FHIP1A: variants seen among roughly 807,000 people sequenced by gnomAD.
FHIP1A encodes FHF complex subunit HOOK-interacting protein 1A.
A neutral mutation model predicts 88.6 loss-of-function variants in FHIP1A; 61 were observed. That is an observed-to-expected ratio of 0.69 (90% CI 0.56 to 0.85). The LOEUF (loss-of-function observed/expected upper bound fraction) is 0.85. FHIP1A is among the 40% of genes least tolerant of loss of function. The pLI is 0.00. For missense variants in FHIP1A, 1,154 were observed against 1,273.5 expected (o/e 0.91, Z 1.43); for synonymous variants, 478 against 496.0 (o/e 0.96, Z 0.48).
chr4:151,607,077 A>G (rs4696272), intron 7 of FHIP1A, among the ~76,000 whole-genome samples: 48,559 of 151,990 alleles, frequency 0.32, 7,781 homozygotes, highest in Non-Finnish European at 0.33. Flanking sequence ...TGCCCCTGGT[A>G]CCATCTCACA....
chr4:151,525,011 T>G (rs1731579469), intron 3 of FHIP1A, among the ~76,000 whole-genome samples: 1 of 152,222 alleles, frequency 6.6e-6, no homozygotes, highest in Admixed American at 6.5e-5. Flanking sequence ...TTGATGATTA[T>G]CTTATTTTAT....
At chr4:151,604,242 T>A (rs1734982629) in intron 7 of FHIP1A, among the ~76,000 whole-genome samples, 1 of 152,040 alleles carries the variant, frequency 6.6e-6, no homozygotes, top group Non-Finnish European at 1.5e-5. Context: ...TTCCCTAGAG[T>A]TGGCAGCTCT....
chr4:151,417,404 T>C (rs1040454525), intron 1 of FHIP1A, among the ~76,000 whole-genome samples: 1 of 152,116 alleles, frequency 6.6e-6, no homozygotes, highest in East Asian at 1.9e-4. Context: ...ATCTGATTGG[T>C]TGTGGAAAGT....
intron 3 of FHIP1A, among the ~76,000 whole-genome samples, chr4:151,540,172 A>AT (rs1228066751): frequency 6.6e-6 from 1 of 152,200 alleles, no homozygotes; most frequent in African/African-American, 2.4e-5. Flanking sequence ...CATATGTGTC[A>AT]TTTTTTAAAA....
chr4:151,541,731 A>T (rs771990948), intron 3 of FHIP1A, among the ~76,000 whole-genome samples: 1 of 152,150 alleles, frequency 6.6e-6, no homozygotes, highest in African/African-American at 2.4e-5. Context: ...GTGTGCCTTT[A>T]TGCTGGGAGA....
chr4:151,440,668 A>G lies in FHIP1A; in HGVS notation c.-355-14033A>G, dbSNP rs555890245. Among the ~76,000 whole-genome samples the G allele has an allele frequency of 4.6e-5, 7 of 152,224 alleles. No individual in the cohort carries two copies. In the South Asian group the frequency reaches 1.5e-3, roughly 32 times the overall value. On this transcript the variant is annotated intron_variant, in intron 1 of 13. Coordinates refer to ENST00000435205, the MANE Select transcript of FHIP1A (RefSeq NM_001109977.3). ...ACAAACAGTAGCAGTACAGTGTCAC[A>G]CAAGGTAGATGGAGCTGAATCTTCT... is the stretch of plus-strand genomic sequence containing the variant.
intron 3 of FHIP1A, among the ~76,000 whole-genome samples, chr4:151,564,651 G>T (rs1180752621): frequency 6.6e-6 from 1 of 152,120 alleles, no homozygotes; most frequent in African/African-American, 2.4e-5. Context: ...TTTTAGTTTG[G>T]GGAATTCAAT....
At chr4:151,469,502 T>A (rs1032041641) in intron 2 of FHIP1A, among the ~76,000 whole-genome samples, 6 of 152,146 alleles carry the variant, frequency 3.9e-5, no homozygotes, top group African/African-American at 1.2e-4. Flanking sequence ...GGTGATGACA[T>A]CACTAAAAAC....
chr4:151,619,923 A>G (rs1735672610), intron 7 of FHIP1A, among the ~76,000 whole-genome samples: 2 of 152,160 alleles, frequency 1.3e-5, no homozygotes, highest in Admixed American at 6.5e-5. Flanking sequence ...ACAACTCACT[A>G]GCCAAAACAT....
intron 2 of FHIP1A, among the ~76,000 whole-genome samples, chr4:151,459,755 C>T (rs1335523283): frequency 2.0e-5 from 3 of 152,206 alleles, no homozygotes; most frequent in East Asian, 3.9e-4. Flanking sequence ...TGTTGGTTTG[C>T]GACAGAAGCA....
At chr4:151,517,855 G>T (rs1344433802) in intron 3 of FHIP1A, among the ~76,000 whole-genome samples, 4 of 151,982 alleles carry the variant, frequency 2.6e-5, no homozygotes, top group Admixed American at 6.5e-5. Flanking sequence ...TATAAATAAA[G>T]AAAATATTTT....
rs375079792 is a variant in FHIP1A, at chr4:151,433,778, A to G, written c.-355-20923A>G. On this transcript the variant is annotated intron_variant, in intron 1 of 13. Coordinates refer to ENST00000435205, the MANE Select transcript of FHIP1A (RefSeq NM_001109977.3). Reference sequence around the variant, plus strand: ...GATAATCTCTGAATCAAACTACACTATTAGACTCGTAGCCCTTTAGAATCT... The same window carrying G: ...GATAATCTCTGAATCAAACTACACTGTTAGACTCGTAGCCCTTTAGAATCT... 7.9e-5 allele frequency among the ~76,000 whole-genome samples: 12 copies of G among 152,302 alleles called. No individual in the cohort carries two copies. In the South Asian group the frequency reaches 2.5e-3, roughly 32 times the overall value.
At chr4:151,488,910 G>A (rs143392356) in intron 3 of FHIP1A, among the ~76,000 whole-genome samples, 34 of 152,286 alleles carry the variant, frequency 2.2e-4, no homozygotes, top group Admixed American at 1.4e-3. Context: ...CGAGCTGGTG[G>A]AGAGAGAGTG....
Position 151,667,553 on chromosome 4 carries a change from C to A in FHIP1A, c.*4799C>A, listed in dbSNP as rs1024536839. 6.6e-6 allele frequency among the ~76,000 whole-genome samples: 1 copy of A among 152,134 alleles called. No homozygotes were observed. Among genetic ancestry groups the A allele is most frequent in the Non-Finnish European group, 1.5e-5 (1 of 68,024 alleles). On this transcript the variant is annotated 3_prime_UTR_variant, in exon 14 of 14. Transcript: ENST00000435205. ...TTGGGACTACAGATTATCCTGGCAG[C>A]TCAATAACTGGATAAACAGGACTTT...
intron 3 of FHIP1A, among the ~76,000 whole-genome samples, chr4:151,526,911 A>T (rs1321468569): frequency 7.0e-6 from 1 of 143,702 alleles, no homozygotes; most frequent in Non-Finnish European, 1.5e-5. Context: ...GGCGCTCCCC[A>T]CATCTCAGAC....
intron 4 of FHIP1A, among the ~76,000 whole-genome samples, chr4:151,570,081 T>A (rs1733540615): frequency 6.6e-6 from 1 of 152,180 alleles, no homozygotes. Context: ...ATTCCTCTGG[T>A]TGAACCTTTC....
intron 1 of FHIP1A, among the ~76,000 whole-genome samples, chr4:151,423,934 T>C (rs1347584717): frequency 6.6e-6 from 1 of 152,206 alleles, no homozygotes; most frequent in African/African-American, 2.4e-5. Flanking sequence ...ATTCCTTTGG[T>C]CACAAATTAT....
chr4:151,506,455 C>T (rs1730841110), intron 3 of FHIP1A, among the ~76,000 whole-genome samples: 1 of 152,118 alleles, frequency 6.6e-6, no homozygotes, highest in African/African-American at 2.4e-5. Context: ...TGGTTTGGCT[C>T]ATGGTTCTGT....
chr4:151,468,284 CAAAAAAAAAA>C (rs921242622), intron 2 of FHIP1A, among the ~76,000 whole-genome samples: 94 of 38,322 alleles, frequency 2.5e-3, no homozygotes, highest in Middle Eastern at 0.019. Context: ...GACTCCATCT[CAAAAAAAAAA>C]AAAAAAAAAA....
Sources: allele counts gnomAD v4.1 joint callset (sites outside exome capture counted in the v4.1 genomes callset), GRCh38; gene constraint gnomAD v4.1.1; transcripts MANE v1.5; gene names NCBI Gene and HGNC (gene_info 2026-07-23, HGNC 2026-07-21).